Variants in MTDH observed in about 807,000 individuals in gnomAD.
MTDH encodes the protein metadherin, also known as protein LYRIC.
Under a neutral mutation model 72.7 loss-of-function variants are expected in MTDH, and 34 were observed. That is an observed-to-expected ratio of 0.47 (90% CI 0.36 to 0.62). The LOEUF is 0.62. Among genes scored for constraint, MTDH ranks in the 20% least tolerant of loss-of-function variants. The probability of loss-of-function intolerance (pLI) is 0.00; values close to 1 mark genes in which losing one functional copy is unlikely to be tolerated. For missense variants in MTDH, 677 were observed against 699.4 expected (o/e 0.97, Z 0.36); for synonymous variants, 266 against 268.9 (o/e 0.99, Z 0.10).
chr8:97,680,372 T>C (rs1294344768), intron 2 of MTDH, among the ~76,000 whole-genome samples: 2 of 152,082 alleles, frequency 1.3e-5, no homozygotes, highest in East Asian at 3.9e-4. Context: ...CGCACCCAGC[T>C]CATCATCTAG....
chr8:97,700,407 T>A (rs1401050503), intron 7 of MTDH, among the ~76,000 whole-genome samples: 2 of 152,156 alleles, frequency 1.3e-5, no homozygotes, highest in Admixed American at 6.5e-5. Context: ...TTATTTCACA[T>A]CCTTTTTTAC....
At chr8:97,653,923 A>T (rs1464067855) in intron 1 of MTDH, among the ~76,000 whole-genome samples, 2 of 152,208 alleles carry the variant, frequency 1.3e-5, no homozygotes, top group African/African-American at 2.4e-5. Flanking sequence ...TATCATTTGT[A>T]GTCCTTATCA....
At chr8:97,688,464 G>C (rs562261496) in intron 4 of MTDH, among the ~76,000 whole-genome samples, 1 of 151,828 alleles carries the variant, frequency 6.6e-6, no homozygotes, top group African/African-American at 2.4e-5. Flanking sequence ...ATTCTTTTTC[G>C]CTGTCTTGTG....
chr8:97,664,699 T>C (rs976907749), intron 2 of MTDH, among the ~76,000 whole-genome samples: 3 of 152,036 alleles, frequency 2.0e-5, no homozygotes, highest in Non-Finnish European at 4.4e-5. Flanking sequence ...TTTAGACTTA[T>C]TTTCTTTCTT....
intron 2 of MTDH, among the ~76,000 whole-genome samples, chr8:97,685,698 T>TA (rs982758963): frequency 5.3e-5 from 8 of 149,896 alleles, no homozygotes; most frequent in South Asian, 2.1e-4. Context: ...AGGTGGAAGT[T>TA]ACAGTGAGCC....
At chr8:97,681,227 A>T (rs1197929536) in intron 2 of MTDH, among the ~76,000 whole-genome samples, 3 of 152,156 alleles carry the variant, frequency 2.0e-5, no homozygotes, top group Non-Finnish European at 4.4e-5. Context: ...TTCTGAGAAA[A>T]AATCCACAGT....
intron 8 of MTDH, among the ~76,000 whole-genome samples, chr8:97,707,421 A>G (rs1014182934): frequency 1.5e-5 from 2 of 133,238 alleles, no homozygotes; most frequent in Non-Finnish European, 3.2e-5. Context: ...AAGTGCTGGG[A>G]TTACAGGCGT....
At chr8:97,665,943 A>G (rs1812366276) in intron 2 of MTDH, among the ~76,000 whole-genome samples, 1 of 152,082 alleles carries the variant, frequency 6.6e-6, no homozygotes, top group Non-Finnish European at 1.5e-5. Context: ...CCTGGCTAAC[A>G]CAGTGAAACC....
chr8:97,668,276 G>A (rs1812471833), intron 2 of MTDH, among the ~76,000 whole-genome samples: 1 of 152,040 alleles, frequency 6.6e-6, no homozygotes, highest in Non-Finnish European at 1.5e-5. Flanking sequence ...GACAAAGCTA[G>A]ACTGCATCTC....
chr8:97,659,282 C>A (rs1173581638), intron 1 of MTDH, among the ~76,000 whole-genome samples: 1 of 147,588 alleles, frequency 6.8e-6, no homozygotes, highest in Admixed American at 6.7e-5. Context: ...TCCTTCCTTC[C>A]CCCATATGCA....
At chr8:97,656,981 CAAAA>C (rs113063188) in intron 1 of MTDH, among the ~76,000 whole-genome samples, 2,901 of 130,802 alleles carry the variant, frequency 0.022, 100 homozygotes, top group African/African-American at 0.076. Flanking sequence ...GACTGTGTCT[CAAAA>C]AAAAAAAAAA....
chr8:97,686,733 T>C lies in MTDH; in HGVS notation c.549T>C (p.Asp183=). ...CAGTGCAAAACAGTTCACGCCATGATGGAAAGGAAGTTGATGAAGGTACTT... is the reference window on the plus strand; with the variant it reads ...CAGTGCAAAACAGTTCACGCCATGACGGAAAGGAAGTTGATGAAGGTACTT... ...AKAVQNSSRH[D]GKEVDEGAWE... is the part of the protein sequence containing the mutation. Residue 183 remains aspartate, a synonymous_variant, in exon 3 of 12, where the codon GAT becomes GAC. Coordinates refer to ENST00000336273, the MANE Select transcript of MTDH (RefSeq NM_178812.4). The C allele has an allele frequency of 2.5e-6, 4 of 1,595,034 alleles. No homozygotes were observed. In the South Asian group the frequency reaches 4.6e-5, roughly 18 times the overall value.
intron 9 of MTDH, among the ~76,000 whole-genome samples, chr8:97,716,343 G>A (rs1271968585): frequency 2.0e-5 from 3 of 151,932 alleles, no homozygotes; most frequent in African/African-American, 7.3e-5. Context: ...CCAAGATCAT[G>A]CCATTGCACT....
chr8:97,665,604 G>A (rs1007086921), intron 2 of MTDH, among the ~76,000 whole-genome samples: 1 of 152,160 alleles, frequency 6.6e-6, no homozygotes, highest in South Asian at 2.1e-4. Flanking sequence ...CTTAAGTATA[G>A]GAATGGTATT....
At chr8:97,716,084 A>G (rs1367634514) in intron 9 of MTDH, among the ~76,000 whole-genome samples, 3 of 152,112 alleles carry the variant, frequency 2.0e-5, no homozygotes, top group Non-Finnish European at 4.4e-5. Context: ...TAGCACATAT[A>G]TCCTATTAAT....
At chr8:97,679,842 T>G (rs1285723394) in intron 2 of MTDH, among the ~76,000 whole-genome samples, 1 of 152,170 alleles carries the variant, frequency 6.6e-6, no homozygotes, top group African/African-American at 2.4e-5. Flanking sequence ...TACTCAGGTA[T>G]TTAAGTGAGT....
intron 11 of MTDH, among the ~76,000 whole-genome samples, chr8:97,724,302 T>G: frequency 6.6e-6 from 1 of 152,324 alleles, no homozygotes; most frequent in African/African-American, 2.4e-5. Flanking sequence ...GTATCCATTT[T>G]ACCCATTTTT....
intron 6 of MTDH, among the ~76,000 whole-genome samples, chr8:97,695,242 T>A (rs528817280): frequency 6.6e-6 from 1 of 151,946 alleles, no homozygotes; most frequent in South Asian, 2.1e-4. Context: ...GCCTCCTGAG[T>A]AGCTGGGATT....
Position 97,728,757 on chromosome 8 carries a change from CAAAAAAAAAA to C in MTDH, c.*4096_*4105del, listed in dbSNP as rs3073514. ...AGCAATAGAGAGACCCCCATCTCGA[CAAAAAAAAAA>C]AAAAAAAATTAGAAACAAAAAAAAG... is the stretch of plus-strand genomic sequence containing the variant. On this transcript the variant is annotated 3_prime_UTR_variant, in exon 12 of 12. Coordinates refer to ENST00000336273, the MANE Select transcript of MTDH (RefSeq NM_178812.4). 1.5e-5 allele frequency: 1 copy of C among 68,796 alleles called. No homozygotes were observed. The highest frequency in any genetic ancestry group is 3.3e-5 in the Non-Finnish European group (1 of 30,068). 4.3% of individuals were successfully genotyped at this position (68,796 alleles called of 1,614,324 possible).
Sources: gnomAD v4.1 joint callset for allele counts (sites outside exome capture counted in the v4.1 genomes callset) on GRCh38, gnomAD v4.1.1 for gene constraint, MANE v1.5 for transcripts, NCBI Gene and HGNC (gene_info 2026-07-23, HGNC 2026-07-21) for gene names.